PACRG: variants seen among roughly 807,000 people sequenced by gnomAD.
PACRG encodes parkin coregulated, also known as parkin coregulated gene protein.
Under a neutral mutation model 29.7 loss-of-function variants are expected in PACRG, and 29 were observed. That is an observed-to-expected ratio of 0.98 (90% CI 0.73 to 1.33). The LOEUF (loss-of-function observed/expected upper bound fraction) is 1.33. Ranked by LOEUF, PACRG falls within the 40% of genes most tolerant of loss-of-function variation. The pLI is 0.00. For synonymous variants in PACRG, 116 were observed against 118.7 expected (o/e 0.98, Z 0.15); for missense variants, 279 against 316.2 (o/e 0.88, Z 0.89).
intron 4 of PACRG, among the ~76,000 whole-genome samples, chr6:163,181,777 G>A (rs532597784): frequency 1.3e-5 from 2 of 152,110 alleles, no homozygotes; most frequent in Admixed American, 6.5e-5. Context: ...TTTAACTCAC[G>A]GGGAAAAAGT....
At chr6:162,780,344 T>A (rs1054389029) in intron 1 of PACRG, among the ~76,000 whole-genome samples, 11 of 152,240 alleles carry the variant, frequency 7.2e-5, no homozygotes, top group African/African-American at 2.7e-4. Flanking sequence ...ACTTTAATAT[T>A]TGGGCTCACA....
intron 2 of PACRG, among the ~76,000 whole-genome samples, chr6:163,039,263 C>G (rs1808479342): frequency 6.6e-6 from 1 of 152,186 alleles, no homozygotes; most frequent in Non-Finnish European, 1.5e-5. Flanking sequence ...TTTCCTGAGG[C>G]CTTCCCAGTG....
intron 2 of PACRG, among the ~76,000 whole-genome samples, chr6:162,980,477 G>A (rs1490422568): frequency 6.6e-6 from 1 of 152,146 alleles, no homozygotes; most frequent in Admixed American, 6.6e-5. Flanking sequence ...AGGTTCAGAA[G>A]CAGATAAATA....
intron 4 of PACRG, among the ~76,000 whole-genome samples, chr6:163,122,452 C>T (rs556925686): frequency 6.6e-5 from 10 of 152,312 alleles, no homozygotes; most frequent in South Asian, 2.1e-4. Flanking sequence ...GCAGATCCCT[C>T]GCGAATGGCT....
chr6:162,966,744 GGGATTACA>G (rs1801066813), intron 2 of PACRG, among the ~76,000 whole-genome samples: 2 of 151,600 alleles, frequency 1.3e-5, no homozygotes, highest in Non-Finnish European at 2.9e-5. Flanking sequence ...CCAAAGTGCT[GGGATTACA>G]GGCGTGAGCC....
At chr6:162,802,882 C>T (rs979645757) in intron 1 of PACRG, among the ~76,000 whole-genome samples, 3 of 152,224 alleles carry the variant, frequency 2.0e-5, no homozygotes, top group South Asian at 4.2e-4. Context: ...TTCTATTCTC[C>T]TATAGAATCC....
At chr6:162,975,052 T>A (rs1223132231) in intron 2 of PACRG, among the ~76,000 whole-genome samples, 3 of 152,174 alleles carry the variant, frequency 2.0e-5, no homozygotes, top group African/African-American at 7.2e-5. Context: ...AATATGTGAA[T>A]GTGGAGGAAT....
chr6:162,787,578 G>GTATCTATATATA (rs1408657404), intron 1 of PACRG, among the ~76,000 whole-genome samples: 3 of 51,452 alleles, frequency 5.8e-5, no homozygotes, highest in Admixed American at 2.9e-4. Context: ...GTGTGTGTGT[G>GTATCTATATATA]TGTGTATATA....
intron 1 of PACRG, among the ~76,000 whole-genome samples, chr6:162,757,933 A>G (rs1434190335): frequency 6.6e-6 from 1 of 152,134 alleles, no homozygotes; most frequent in Non-Finnish European, 1.5e-5. Flanking sequence ...TACCATGTCA[A>G]ATGAAATGAA....
chr6:162,958,123 T>C (rs1202363202), intron 2 of PACRG, among the ~76,000 whole-genome samples: 2 of 152,094 alleles, frequency 1.3e-5, no homozygotes, highest in Non-Finnish European at 2.9e-5. Context: ...AGAAAATAAA[T>C]TACTAAAAAC....
chr6:163,162,461 C>A (rs888937498), intron 4 of PACRG, among the ~76,000 whole-genome samples: 1 of 152,232 alleles, frequency 6.6e-6, no homozygotes, highest in Non-Finnish European at 1.5e-5. Flanking sequence ...GTCACATGTG[C>A]TTGACACAGG....
intron 4 of PACRG, among the ~76,000 whole-genome samples, chr6:163,259,994 C>T (rs1326069694): frequency 2.0e-5 from 3 of 152,176 alleles, no homozygotes; most frequent in Non-Finnish European, 4.4e-5. Context: ...AGGGTGTGTG[C>T]CTGTGTGTTC....
At chr6:163,309,274 G>T (rs896501368) in intron 4 of PACRG, among the ~76,000 whole-genome samples, 5 of 152,212 alleles carry the variant, frequency 3.3e-5, no homozygotes, top group Admixed American at 2.6e-4. Context: ...GCTGAACCAC[G>T]AGGCCTCCGC....
chr6:163,101,293 C>T, intron 4 of PACRG: 1 of 982,870 alleles, frequency 1.0e-6, no homozygotes, highest in Non-Finnish European at 1.2e-6. Context: ...GGATTATTGC[C>T]TGGTAATTTT....
intron 2 of PACRG, among the ~76,000 whole-genome samples, chr6:162,846,575 T>C (rs1358538938): frequency 6.6e-6 from 1 of 152,178 alleles, no homozygotes; most frequent in Non-Finnish European, 1.5e-5. Context: ...TATTCATCTT[T>C]AGTAGGAGAC....
intron 4 of PACRG, among the ~76,000 whole-genome samples, chr6:163,136,585 C>G (rs1418555731): frequency 1.3e-5 from 2 of 152,134 alleles, no homozygotes; most frequent in Non-Finnish European, 2.9e-5. Context: ...ATTTGCACAG[C>G]TTTCGTTAGT....
chr6:163,010,835 C>A (rs879599244), intron 2 of PACRG, among the ~76,000 whole-genome samples: 1 of 152,114 alleles, frequency 6.6e-6, no homozygotes, highest in Admixed American at 6.5e-5. Flanking sequence ...CTGGAGGAGA[C>A]AAAAGTAAAC....
intron 4 of PACRG, among the ~76,000 whole-genome samples, chr6:163,148,280 A>G (rs1214399306): frequency 3.3e-5 from 5 of 152,222 alleles, no homozygotes; most frequent in East Asian, 1.9e-4. Flanking sequence ...ACTGTACTGA[A>G]AACAGTGTCT....
intron 2 of PACRG, chr6:162,891,980 G>A (rs1484733558): frequency 1.3e-5 from 2 of 152,300 alleles, no homozygotes; most frequent in South Asian, 2.1e-4. Flanking sequence ...TTTATAGTCC[G>A]GTTATCTTCT....
Sources: allele counts gnomAD v4.1 joint callset (sites outside exome capture counted in the v4.1 genomes callset), GRCh38; gene constraint gnomAD v4.1.1; transcripts MANE v1.5; gene names NCBI Gene and HGNC (gene_info 2026-07-23, HGNC 2026-07-21).